The following KCNMB2 variants were observed in gnomAD, a reference collection of about 807,000 sequenced individuals.
KCNMB2 encodes the protein calcium-activated potassium channel subunit beta-2.
Under a neutral mutation model 24.5 loss-of-function variants are expected in KCNMB2, and 9 were observed. That is an observed-to-expected ratio of 0.37 (90% CI 0.22 to 0.64). The LOEUF (loss-of-function observed/expected upper bound fraction) is 0.64. KCNMB2 is among the 30% of genes least tolerant of loss of function. The probability of loss-of-function intolerance (pLI) is 0.63; values close to 1 mark genes in which losing one functional copy is unlikely to be tolerated. For synonymous variants in KCNMB2, 109 were observed against 104.4 expected (o/e 1.04, Z -0.27); for missense variants, 226 against 284.3 (o/e 0.79, Z 1.47).
At chr3:178,596,059 C>A (rs1283558609) in intron 1 of KCNMB2, among the ~76,000 whole-genome samples, 1 of 152,088 alleles carries the variant, frequency 6.6e-6, no homozygotes, top group African/African-American at 2.4e-5. Context: ...ACCTTCCACT[C>A]AACCCCATCA....
chr3:178,692,628 G>A (rs753313252), intron 1 of KCNMB2, among the ~76,000 whole-genome samples: 4 of 152,142 alleles, frequency 2.6e-5, no homozygotes, highest in Non-Finnish European at 5.9e-5. Context: ...TCAGTACCAT[G>A]CTGTTTTGGT....
rs189699266 is a variant in KCNMB2, at chr3:178,757,473, T to C, written c.-67-49870T>C. ...ATATATGTATATATATCCAAGAGGA[T>C]ATATATATATGTATATATATCCAAG... On this transcript the variant is annotated intron_variant, in intron 1 of 4. Transcript: ENST00000452583. 4.7e-4 allele frequency among the ~76,000 whole-genome samples: 25 copies of C among 52,982 alleles called. 2 individuals are homozygous for C. The highest frequency in any genetic ancestry group is 1.6e-3 in the Admixed American group (7 of 4,290). The allele number at this position is 52,982 out of a possible 152,430, so 34.8% of individuals were successfully genotyped here.
intron 1 of KCNMB2, among the ~76,000 whole-genome samples, chr3:178,696,541 A>G (rs1243911736): frequency 6.6e-6 from 1 of 152,086 alleles, no homozygotes; most frequent in Non-Finnish European, 1.5e-5. Context: ...ATTTTTTTCA[A>G]AATATCAGCT....
At chr3:178,712,706 G>A (rs1160029531) in intron 1 of KCNMB2, among the ~76,000 whole-genome samples, 2 of 152,144 alleles carry the variant, frequency 1.3e-5, no homozygotes, top group Non-Finnish European at 2.9e-5. Flanking sequence ...GCCCAAGGTC[G>A]TACACGTGAT....
chr3:178,740,934 C>CA (rs1464593560), intron 1 of KCNMB2, among the ~76,000 whole-genome samples: 3 of 152,028 alleles, frequency 2.0e-5, no homozygotes, highest in Non-Finnish European at 4.4e-5. Flanking sequence ...ACCTGGGATA[C>CA]AAAATCATCA....
intron 1 of KCNMB2, among the ~76,000 whole-genome samples, chr3:178,642,961 C>T (rs1213402214): frequency 6.6e-6 from 1 of 152,222 alleles, no homozygotes. Context: ...ACGTTTGACA[C>T]AGCAAGTTGT....
At chr3:178,794,859 C>A (rs1219498209) in intron 1 of KCNMB2, among the ~76,000 whole-genome samples, 2 of 152,090 alleles carry the variant, frequency 1.3e-5, no homozygotes, top group Non-Finnish European at 2.9e-5. Flanking sequence ...AAGGACAAGG[C>A]CAAGGGGACA....
At chr3:178,746,547 G>A (rs143846174) in intron 1 of KCNMB2, among the ~76,000 whole-genome samples, 21,329 of 152,144 alleles carry the variant, frequency 0.14, 1,847 homozygotes, top group Non-Finnish European at 0.18. Context: ...TTCTGCAGCC[G>A]GCTTGAATTT....
Position 178,576,261 on chromosome 3 carries a change from C to T in KCNMB2, c.-68+39550C>T, listed in dbSNP as rs994346736. On this transcript the variant is annotated intron_variant, in intron 1 of 4. Transcript: ENST00000452583. Reference sequence around the variant, plus strand: ...ACAAGAGGCTGGGGAACTCCCTCCCCTAGCCAAGGGAAGCTGTGAGGGACT... The same window carrying T: ...ACAAGAGGCTGGGGAACTCCCTCCCTTAGCCAAGGGAAGCTGTGAGGGACT... Among the ~76,000 whole-genome samples, 11 of 152,130 alleles carry T rather than the reference C, an allele frequency of 7.2e-5. No individual in the cohort carries two copies. In the East Asian group the frequency reaches 1.8e-3, roughly 24 times the overall value.
In KCNMB2 at chr3:178,771,746, T is replaced by G. The variant is rs73183325; in HGVS notation, c.-67-35597T>G. ...GTAAGCACATTATCACCTCAGGGTCTACATTTGCCATTCGCCTGCCTTGAA... is the reference window on the plus strand; with the variant it reads ...GTAAGCACATTATCACCTCAGGGTCGACATTTGCCATTCGCCTGCCTTGAA... On this transcript the variant is annotated intron_variant, in intron 1 of 4. Coordinates refer to ENST00000452583, the MANE Select transcript of KCNMB2 (RefSeq NM_181361.3). Among the ~76,000 whole-genome samples, 554 of 152,258 alleles carry G rather than the reference T, an allele frequency of 3.6e-3. 2 individuals carry two copies. Among genetic ancestry groups the G allele is most frequent in the Admixed American group, 4.5e-3 (68 of 15,266 alleles).
intron 1 of KCNMB2, among the ~76,000 whole-genome samples, chr3:178,721,292 C>T (rs533476045): frequency 4.6e-5 from 7 of 152,142 alleles, no homozygotes; most frequent in East Asian, 3.9e-4. Flanking sequence ...TGTAGATATG[C>T]GGCGTTATTT....
chr3:178,574,208 T>C (rs1001947950), intron 1 of KCNMB2, among the ~76,000 whole-genome samples: 1 of 151,916 alleles, frequency 6.6e-6, no homozygotes, highest in South Asian at 2.1e-4. Context: ...AACAAGGAGA[T>C]GTTAGGTAGT....
Position 178,837,070 on chromosome 3 carries a change from A to G in KCNMB2, c.424-5583A>G, listed in dbSNP as rs1046811086. Among the ~76,000 whole-genome samples, 9 of 152,260 alleles carry G rather than the reference A, an allele frequency of 5.9e-5. No individual in the cohort carries two copies. In the East Asian group the frequency reaches 1.7e-3, roughly 29 times the overall value. On this transcript the variant is annotated intron_variant, in intron 4 of 4. Transcript: ENST00000452583. The stretch of plus-strand genomic sequence containing the variant: ...CAAAAACCTAGGCTCCTAGTGTAGA[A>G]TTCAGCACAATGCAAATCTCCTAAG...
intron 1 of KCNMB2, among the ~76,000 whole-genome samples, chr3:178,762,165 C>G (rs142732716): frequency 2.3e-4 from 35 of 151,568 alleles, no homozygotes; most frequent in African/African-American, 8.2e-4. Context: ...AGCGAGACTC[C>G]GTCTCAAAAA....
chr3:178,841,039 G>A (rs764567393), intron 4 of KCNMB2, among the ~76,000 whole-genome samples: 18 of 152,176 alleles, frequency 1.2e-4, no homozygotes, highest in Admixed American at 9.8e-4. Flanking sequence ...GCATGTAACT[G>A]CACATTTCAA....
chr3:178,703,251 G>C (rs1302338851), intron 1 of KCNMB2, among the ~76,000 whole-genome samples: 9 of 152,108 alleles, frequency 5.9e-5, no homozygotes, highest in Non-Finnish European at 1.2e-4. Context: ...GGTACTCATA[G>C]ACTCATTTTG....
At chr3:178,765,780 CCTT>C (rs1560012656) in intron 1 of KCNMB2, among the ~76,000 whole-genome samples, 1 of 152,184 alleles carries the variant, frequency 6.6e-6, no homozygotes, top group Admixed American at 6.5e-5. Flanking sequence ...ACCAATAACT[CCTT>C]AAAAATTGCT....
At chr3:178,559,071 G>T (rs1288108732) in intron 1 of KCNMB2, 1 of 152,178 alleles carries the variant, frequency 6.6e-6, no homozygotes, top group South Asian at 2.1e-4. Flanking sequence ...ACAAAGAGAG[G>T]AGAGGCTACA....
chr3:178,781,897 G>A (rs901901436), intron 1 of KCNMB2, among the ~76,000 whole-genome samples: 1 of 143,106 alleles, frequency 7.0e-6, no homozygotes, highest in Non-Finnish European at 1.5e-5. Flanking sequence ...CCACTAACTC[G>A]TCATCTAGCA....
Sources: gnomAD v4.1 joint callset for allele counts (sites outside exome capture counted in the v4.1 genomes callset) on GRCh38, gnomAD v4.1.1 for gene constraint, MANE v1.5 for transcripts, NCBI Gene and HGNC (gene_info 2026-07-23, HGNC 2026-07-21) for gene names.